The following DLGAP2 variants were observed in gnomAD, a reference collection of about 807,000 sequenced individuals.
DLGAP2 encodes DLG associated protein 2.
Under a neutral mutation model 100.3 loss-of-function variants are expected in DLGAP2, and 26 were observed. That is an observed-to-expected ratio of 0.26 (90% CI 0.19 to 0.36). DLGAP2 has a LOEUF of 0.36. Ranked by LOEUF, DLGAP2 falls within the 10% of genes least tolerant of loss-of-function variation. The probability of loss-of-function intolerance (pLI) is 1.00; values close to 1 mark genes in which losing one functional copy is unlikely to be tolerated. For synonymous variants in DLGAP2, 886 were observed against 630.1 expected, an observed-to-expected ratio of 1.41 and a Z score of -6.08; for missense variants, 1,858 against 1,453.2, an observed-to-expected ratio of 1.28 and a Z score of -4.53.
intron 2 of DLGAP2, among the ~76,000 whole-genome samples, chr8:1,174,659 T>C (rs1398541770): frequency 6.6e-6 from 1 of 150,534 alleles, no homozygotes; most frequent in Non-Finnish European, 1.5e-5. Flanking sequence ...TTTACCATCA[T>C]TGTCATCATC....
intron 3 of DLGAP2, among the ~76,000 whole-genome samples, chr8:1,452,385 G>T (rs1295477428): frequency 6.6e-6 from 1 of 152,258 alleles, no homozygotes; most frequent in Non-Finnish European, 1.5e-5. Context: ...CTGAGCCGAG[G>T]CTATGCGTGC....
chr8:1,155,052 G>A (rs1341067396), intron 2 of DLGAP2, among the ~76,000 whole-genome samples: 2 of 152,148 alleles, frequency 1.3e-5, no homozygotes, highest in African/African-American at 4.8e-5. Flanking sequence ...CTCTGCCTGG[G>A]CACCAGCACC....
chr8:1,063,906 C>A (rs754199789), intron 2 of DLGAP2, among the ~76,000 whole-genome samples: 3 of 152,154 alleles, frequency 2.0e-5, no homozygotes, highest in Non-Finnish European at 4.4e-5. Flanking sequence ...GGGACTCTCT[C>A]CAGCTTGGTG....
intron 3 of DLGAP2, among the ~76,000 whole-genome samples, chr8:1,466,838 G>T (rs1272458753): frequency 1.3e-5 from 2 of 152,190 alleles, no homozygotes; most frequent in African/African-American, 4.8e-5. Context: ...GAGCTACCAG[G>T]CCAGGGAGAA....
chr8:1,519,997 C>T (rs755462604), intron 4 of DLGAP2, among the ~76,000 whole-genome samples: 2 of 152,304 alleles, frequency 1.3e-5, no homozygotes, highest in South Asian at 2.1e-4. Flanking sequence ...CCAGCTGCTT[C>T]GCAGGAGCAG....
At position 1,423,165 on chromosome 8, in the gene DLGAP2, C is replaced by T. The variant is rs142291567; in HGVS notation, c.107-78201C>T. Among the ~76,000 whole-genome samples the T allele has an allele frequency of 2.8e-3, 422 of 152,234 alleles. 1 individual carries two copies. Among genetic ancestry groups the T allele is most frequent in the African/African-American group, 9.5e-3 (394 of 41,528 alleles). On this transcript the variant is annotated intron_variant, in intron 3 of 14. Coordinates refer to ENST00000637795, the MANE Select transcript of DLGAP2 (RefSeq NM_001346810.2). ...ACCACAACAGCTAAAGCCTAGGTGG[C>T]AAGTTAATATAATATAGTTTTGAAT... is the stretch of plus-strand genomic sequence containing the variant.
intron 3 of DLGAP2, among the ~76,000 whole-genome samples, chr8:1,430,954 G>A (rs151134825): frequency 9.7e-4 from 148 of 152,290 alleles, no homozygotes; most frequent in Middle Eastern, 3.4e-3. Context: ...TTCTGGGCAA[G>A]TCATTACCTT....
At chr8:1,174,845 T>C (rs1052545474) in intron 2 of DLGAP2, among the ~76,000 whole-genome samples, 1 of 152,188 alleles carries the variant, frequency 6.6e-6, no homozygotes, top group East Asian at 1.9e-4. Flanking sequence ...GAGTTCTGTT[T>C]ATCTATGTTT....
At chr8:872,226 T>G (rs887956911) in intron 1 of DLGAP2, among the ~76,000 whole-genome samples, 3 of 152,046 alleles carry the variant, frequency 2.0e-5, no homozygotes, top group Admixed American at 6.6e-5. Flanking sequence ...TTTTTATTAT[T>G]CAACTTCAAA....
chr8:1,454,506 T>G (rs1451391452), intron 3 of DLGAP2, among the ~76,000 whole-genome samples: 1 of 152,152 alleles, frequency 6.6e-6, no homozygotes, highest in African/African-American at 2.4e-5. Flanking sequence ...AACCCACCCC[T>G]GGAGGAGAGG....
chr8:1,017,848 T>C (rs1260766085), intron 2 of DLGAP2, among the ~76,000 whole-genome samples: 1 of 152,210 alleles, frequency 6.6e-6, no homozygotes, highest in African/African-American at 2.4e-5. Context: ...CCAGCTGCTT[T>C]AGTTCAGGGC....
chr8:1,674,617 T>TTCAC (rs1319607114), intron 10 of DLGAP2, among the ~76,000 whole-genome samples: 1 of 152,232 alleles, frequency 6.6e-6, no homozygotes, highest in Admixed American at 6.5e-5. Flanking sequence ...ATTCATTTAT[T>TTCAC]TCACTCATAT....
intron 4 of DLGAP2, among the ~76,000 whole-genome samples, chr8:1,533,670 T>A (rs1270808381): frequency 6.6e-6 from 1 of 152,242 alleles, no homozygotes; most frequent in African/African-American, 2.4e-5. Flanking sequence ...GTTTCTGTCA[T>A]CTTAAAACTT....
At chr8:1,046,467 G>T (rs1057375675) in intron 2 of DLGAP2, among the ~76,000 whole-genome samples, 6 of 152,150 alleles carry the variant, frequency 3.9e-5, no homozygotes, top group African/African-American at 1.4e-4. Context: ...GGGACTGGCT[G>T]ATTCAAACCT....
intron 2 of DLGAP2, among the ~76,000 whole-genome samples, chr8:1,172,645 C>G (rs183330646): frequency 0.019 from 2,908 of 152,234 alleles, 97 homozygotes; most frequent in African/African-American, 0.066. Flanking sequence ...CATCTTCCAT[C>G]GCTGATACCC....
At chr8:1,257,526 C>CT (rs1274182297) in intron 2 of DLGAP2, among the ~76,000 whole-genome samples, 1 of 9,608 alleles carries the variant, frequency 1.0e-4, no homozygotes, top group Admixed American at 1.1e-3. Context: ...TGTGCTCGCT[C>CT]CCCAGATTAC....
chr8:943,146 C>T lies in DLGAP2; in HGVS notation c.73+35180C>T, dbSNP rs115592670. On this transcript the variant is annotated intron_variant, in intron 2 of 14. Transcript: ENST00000637795. The stretch of plus-strand genomic sequence containing the variant: ...GTGTGCGCACAGTGAGGAACTCTTA[C>T]AATTTTAGGGGCTATTTTATACCAG... Among the ~76,000 whole-genome samples the T allele has an allele frequency of 2.5e-3, 384 of 152,278 alleles. 1 individual carries two copies. Among genetic ancestry groups the T allele is most frequent in the African/African-American group, 8.9e-3 (371 of 41,554 alleles).
At chr8:1,156,259 C>T (rs1168037074) in intron 2 of DLGAP2, among the ~76,000 whole-genome samples, 1 of 152,126 alleles carries the variant, frequency 6.6e-6, no homozygotes, top group African/African-American at 2.4e-5. Context: ...TAGGTCTCCT[C>T]CTCCTTCCCG....
intron 3 of DLGAP2, among the ~76,000 whole-genome samples, chr8:1,333,739 C>T (rs934318357): frequency 2.0e-5 from 3 of 152,234 alleles, no homozygotes; most frequent in Non-Finnish European, 4.4e-5. Context: ...ATATGGTTCT[C>T]ACCTATTCTC....
Sources: allele counts gnomAD v4.1 joint callset (sites outside exome capture counted in the v4.1 genomes callset), GRCh38; gene constraint gnomAD v4.1.1; transcripts MANE v1.5; gene names NCBI Gene and HGNC (gene_info 2026-07-23, HGNC 2026-07-21).